The following PRDM16 variants were observed in gnomAD, a reference collection of about 807,000 sequenced individuals.
PRDM16 encodes histone-lysine N-methyltransferase PRDM16.
A neutral mutation model predicts 110.6 loss-of-function variants in PRDM16; 23 were observed. The ratio of observed to expected loss-of-function variants is 0.21; its 90% CI spans 0.15 to 0.29. PRDM16 has a LOEUF of 0.29. Ranked by LOEUF, PRDM16 falls within the 10% of genes least tolerant of loss-of-function variation. PRDM16 has a pLI of 1.00. For synonymous variants in PRDM16, 799 were observed against 781.8 expected (o/e 1.02, Z -0.37); for missense variants, 1,615 against 1,794.3 (o/e 0.90, Z 1.81).
chr1:3,420,482 A>G (rs980960321), intron 12 of PRDM16, among the ~76,000 whole-genome samples: 1 of 152,252 alleles, frequency 6.6e-6, no homozygotes, highest in Admixed American at 6.5e-5. Context: ...GCCCCGCGCA[A>G]GCAGGAGGAA....
At chr1:3,164,635 G>C (rs1643930001) in intron 1 of PRDM16, among the ~76,000 whole-genome samples, 1 of 152,212 alleles carries the variant, frequency 6.6e-6, no homozygotes, top group Non-Finnish European at 1.5e-5. Flanking sequence ...AGGTGTGAGG[G>C]ATTGCTCACT....
intron 8 of PRDM16, among the ~76,000 whole-genome samples, chr1:3,411,133 G>A (rs571836895): frequency 6.6e-6 from 1 of 152,116 alleles, no homozygotes; most frequent in Non-Finnish European, 1.5e-5. Flanking sequence ...ACACACGCCT[G>A]CCCAGACACG....
At position 3,264,205 on chromosome 1, in the gene PRDM16, G is replaced by A. The variant is rs1006940629; in HGVS notation, c.438+20068G>A. Among the ~76,000 whole-genome samples the A allele has an allele frequency of 2.0e-5, 3 of 152,226 alleles. No homozygotes were observed. In the East Asian group the frequency reaches 5.8e-4, roughly 29 times the overall value. ...CTATGGAGTCCGAAAATGGGGCGCT[G>A]TGTGACCTGGGGCCTCTCTGCGGAG... On this transcript the variant is annotated intron_variant, in intron 3 of 16. Transcript: ENST00000270722.
chr1:3,144,947 G>A (rs12723134), intron 1 of PRDM16, among the ~76,000 whole-genome samples: 10,232 of 152,230 alleles, frequency 0.067, 476 homozygotes, highest in East Asian at 0.12. Context: ...AACCCCCAGG[G>A]CCTCAGGAAC....
chr1:3,275,976 C>G (rs546666393), intron 3 of PRDM16, among the ~76,000 whole-genome samples: 1 of 152,332 alleles, frequency 6.6e-6, no homozygotes, highest in Admixed American at 6.5e-5. Flanking sequence ...CACTCCAGCA[C>G]ACGCGTGCCT....
chr1:3,179,329 C>T (rs549929082), intron 1 of PRDM16, among the ~76,000 whole-genome samples: 4 of 152,356 alleles, frequency 2.6e-5, no homozygotes, highest in Non-Finnish European at 5.9e-5. Context: ...GGGCAGGGAG[C>T]GTGGACTCAG....
intron 2 of PRDM16, among the ~76,000 whole-genome samples, chr1:3,215,890 G>A (rs1444825605): frequency 6.6e-6 from 1 of 152,170 alleles, no homozygotes; most frequent in Non-Finnish European, 1.5e-5. Flanking sequence ...ATTGTTCCCG[G>A]GGCCGATTCA....
intron 1 of PRDM16, among the ~76,000 whole-genome samples, chr1:3,115,586 G>A (rs933105335): frequency 2.6e-5 from 4 of 152,224 alleles, no homozygotes; most frequent in Non-Finnish European, 4.4e-5. Flanking sequence ...CCCCGGCGCC[G>A]GCCTCCGCCG....
intron 1 of PRDM16, among the ~76,000 whole-genome samples, chr1:3,079,063 A>C (rs1376094486): frequency 6.6e-6 from 1 of 152,226 alleles, no homozygotes; most frequent in Non-Finnish European, 1.5e-5. Context: ...GCAAACAGGA[A>C]GTTGGCGTGA....
chr1:3,114,267 TAC>T (rs1192319163), intron 1 of PRDM16, among the ~76,000 whole-genome samples: 18 of 117,486 alleles, frequency 1.5e-4, no homozygotes, highest in Non-Finnish European at 1.8e-4. Context: ...CGCGCACACG[TAC>T]ACACACGCAC....
intron 12 of PRDM16, among the ~76,000 whole-genome samples, chr1:3,422,851 C>G (rs1327763864): frequency 6.6e-6 from 1 of 152,250 alleles, no homozygotes; most frequent in Non-Finnish European, 1.5e-5. Context: ...TGTCACTGGG[C>G]TGTGGGAGGA....
At chr1:3,403,144 G>T in intron 6 of PRDM16, 146 bp downstream of exon 6, 2 of 770,456 alleles carry the variant, frequency 2.6e-6, no homozygotes, top group Non-Finnish European at 4.3e-6. Flanking sequence ...CCCCCTGGTG[G>T]GACACACCCT....
At chr1:3,401,531 C>T (rs1333176096) in intron 5 of PRDM16, among the ~76,000 whole-genome samples, 1 of 149,808 alleles carries the variant, frequency 6.7e-6, no homozygotes, top group Non-Finnish European at 1.5e-5. Flanking sequence ...AGCATACACA[C>T]ATTCATATAC....
At chr1:3,266,069 A>G (rs1640283447) in intron 3 of PRDM16, among the ~76,000 whole-genome samples, 1 of 152,208 alleles carries the variant, frequency 6.6e-6, no homozygotes, top group Non-Finnish European at 1.5e-5. Context: ...CCGGTCGCTT[A>G]GTCAGCAAGA....
chr1:3,350,284 C>T lies in PRDM16; in HGVS notation c.439-34868C>T, dbSNP rs1470198750. The stretch of plus-strand genomic sequence containing the variant: ...CGGGCTACAGAGAGCTGTGATCACA[C>T]CACTATACTCCAGCCTGGGCGAGAG... On this transcript the variant is annotated intron_variant, in intron 3 of 16. Transcript: ENST00000270722. This position sits in a 1 kb window ranked among gnomAD's most constrained non-coding sequence, Gnocchi z 7.1. 2.0e-5 allele frequency among the ~76,000 whole-genome samples: 3 copies of T among 152,174 alleles called. No individual in the cohort carries two copies. The highest frequency in any genetic ancestry group is 7.2e-5 in the African/African-American group (3 of 41,454).
chr1:3,274,737 T>C (rs2100301243), intron 3 of PRDM16, among the ~76,000 whole-genome samples: 1 of 152,312 alleles, frequency 6.6e-6, no homozygotes, highest in South Asian at 2.1e-4. Context: ...CCCAGCAAGT[T>C]TGGTAGCCAT....
At chr1:3,379,081 C>T (rs1305649341) in intron 3 of PRDM16, among the ~76,000 whole-genome samples, 1 of 146,140 alleles carries the variant, frequency 6.8e-6, no homozygotes. Context: ...CCCCAACACA[C>T]CCCCTCCCGG....
At chr1:3,150,505 C>A (rs1052837095) in intron 1 of PRDM16, among the ~76,000 whole-genome samples, 1 of 152,134 alleles carries the variant, frequency 6.6e-6, no homozygotes, top group Non-Finnish European at 1.5e-5. Flanking sequence ...TTGCAGTGAG[C>A]CGAAATTGCG....
intron 3 of PRDM16, among the ~76,000 whole-genome samples, chr1:3,351,099 G>C (rs981850444): frequency 6.6e-6 from 1 of 152,132 alleles, no homozygotes; most frequent in Non-Finnish European, 1.5e-5. Context: ...TGGCTCGCTG[G>C]GCCAGACGTT....
Sources: allele counts gnomAD v4.1 joint callset (sites outside exome capture counted in the v4.1 genomes callset), GRCh38; gene constraint gnomAD v4.1.1; non-coding constraint Gnocchi (gnomAD v3.1); transcripts MANE v1.5; gene names NCBI Gene and HGNC (gene_info 2026-07-23, HGNC 2026-07-21).